DMTF1: variants seen among roughly 807,000 people sequenced by gnomAD.
DMTF1 encodes the protein cyclin-D-binding Myb-like transcription factor 1.
Under a neutral mutation model 91.1 loss-of-function variants are expected in DMTF1, and 39 were observed. That is an observed-to-expected ratio of 0.43 (90% CI 0.33 to 0.56). DMTF1 has a LOEUF of 0.56. Among genes scored for constraint, DMTF1 ranks in the 20% least tolerant of loss-of-function variants. The probability of loss-of-function intolerance (pLI) is 0.05; values close to 1 mark genes in which losing one functional copy is unlikely to be tolerated. For missense variants in DMTF1, 750 were observed against 914.5 expected (o/e 0.82, Z 2.32); for synonymous variants, 338 against 309.5 (o/e 1.09, Z -0.97).
At chr7:87,183,324 A>G (rs1797751727) in intron 10 of DMTF1, among the ~76,000 whole-genome samples, 1 of 152,236 alleles carries the variant, frequency 6.6e-6, no homozygotes, top group Non-Finnish European at 1.5e-5. Flanking sequence ...TCAGAGTTTC[A>G]TGTAAGATGC....
chr7:87,174,480 G>A, intron 6 of DMTF1, 113 bp from the exon 7 acceptor site: 1 of 690,922 alleles, frequency 1.4e-6, no homozygotes, highest in South Asian at 2.4e-5. Flanking sequence ...AATGAGAAAT[G>A]AAATTAGCTA....
intron 11 of DMTF1, among the ~76,000 whole-genome samples, chr7:87,185,480 G>A (rs1798205935): frequency 6.6e-6 from 1 of 152,126 alleles, no homozygotes; most frequent in South Asian, 2.1e-4. Context: ...AAATGACTTA[G>A]TAAATGCCAC....
intron 1 of DMTF1, among the ~76,000 whole-genome samples, chr7:87,156,734 GAC>G (rs954362158): frequency 6.6e-6 from 1 of 152,050 alleles, no homozygotes. Context: ...CTACTAAGCA[GAC>G]TTTCATTATT....
intron 16 of DMTF1, 84 bp downstream of exon 16, chr7:87,194,186 C>G: frequency 2.8e-6 from 4 of 1,449,320 alleles, no homozygotes; most frequent in Non-Finnish European, 3.7e-6. Flanking sequence ...TCTGAAGACT[C>G]ATGAAATTAA....
At chr7:87,158,887 C>T (rs1285209997) in intron 1 of DMTF1, among the ~76,000 whole-genome samples, 3 of 151,960 alleles carry the variant, frequency 2.0e-5, no homozygotes, top group Non-Finnish European at 4.4e-5. Flanking sequence ...AATACTGAAA[C>T]CTAAGTTTCT....
At chr7:87,163,883 A>C (rs1793123211) in intron 2 of DMTF1, among the ~76,000 whole-genome samples, 1 of 152,070 alleles carries the variant, frequency 6.6e-6, no homozygotes. Context: ...TATCTTGTGT[A>C]TAGGAGCCAG....
intron 11 of DMTF1, chr7:87,184,894 T>A: frequency 1.8e-6 from 1 of 559,968 alleles, no homozygotes; most frequent in Non-Finnish European, 3.4e-6. Context: ...ACAGAACAGG[T>A]ATGGCACAGG....
At chr7:87,194,950 CTG>C (rs1363077769) in intron 17 of DMTF1, 79 bp from the exon 18 acceptor site, 3 of 1,427,692 alleles carry the variant, frequency 2.1e-6, no homozygotes, top group Admixed American at 1.8e-5. Flanking sequence ...GAGTTCTACA[CTG>C]TGGTAGAATA....
intron 15 of DMTF1, 126 bp from the exon 16 acceptor site, chr7:87,193,599 G>T: frequency 9.9e-7 from 1 of 1,006,256 alleles, no homozygotes; most frequent in African/African-American, 1.6e-5. Flanking sequence ...AAGGACAAGG[G>T]TTCTAGAAAA....
In DMTF1 at chr7:87,196,104, G is replaced by A. The variant is rs556637468; in HGVS notation, c.*964G>A. On this transcript the variant is annotated 3_prime_UTR_variant, in exon 18 of 18. Transcript: ENST00000331242. ...CTACAGAAGGGTTAAGGCAAAGGTA[G>A]CCTTTTGGGCTTTTTAATGAATATG... 5.2e-5 allele frequency: 8 copies of A among 152,670 alleles called. No homozygotes were observed. The highest frequency in any genetic ancestry group is 1.7e-4 in the African/African-American group (7 of 41,496). The allele number at this position is 152,670 out of a possible 1,614,324, so 9.5% of individuals were successfully genotyped here.
intron 13 of DMTF1, among the ~76,000 whole-genome samples, chr7:87,189,065 G>A (rs1271314396): frequency 6.6e-6 from 1 of 152,106 alleles, no homozygotes; most frequent in Non-Finnish European, 1.5e-5. Context: ...CATTTTGAGC[G>A]ACAGGTTTTT....
At chr7:87,182,434 A>G (rs753953039) in intron 10 of DMTF1, 97 bp downstream of exon 10, 438 of 1,117,812 alleles carry the variant, frequency 3.9e-4, no homozygotes, top group Non-Finnish European at 5.7e-4. Flanking sequence ...AGCGATTTAG[A>G]TCATTCACCT....
chr7:87,173,676 C>A, intron 6 of DMTF1, 27 bp downstream of exon 6: 1 of 1,470,016 alleles, frequency 6.8e-7, no homozygotes, highest in South Asian at 1.2e-5. Context: ...AATTTTAGTG[C>A]CTAGTGAAAA....
At chr7:87,159,497 A>G (rs1791668468) in intron 1 of DMTF1, among the ~76,000 whole-genome samples, 1 of 152,206 alleles carries the variant, frequency 6.6e-6, no homozygotes, top group African/African-American at 2.4e-5. Flanking sequence ...TGCTACCCTC[A>G]GGTATTTTTT....
chr7:87,173,476 C>G (rs1795563158), intron 5 of DMTF1, 59 bp from the exon 6 acceptor site: 13 of 1,114,626 alleles, frequency 1.2e-5, no homozygotes, highest in Non-Finnish European at 1.6e-5. Flanking sequence ...AGCATTAAAT[C>G]AAGCTGCCAT....
intron 9 of DMTF1, among the ~76,000 whole-genome samples, chr7:87,181,727 G>A (rs1278601879): frequency 6.6e-6 from 1 of 152,198 alleles, no homozygotes; most frequent in Admixed American, 6.5e-5. Context: ...TATCTGGGCT[G>A]ACTCAACCTT....
At chr7:87,172,684 C>T (rs1296233351) in intron 5 of DMTF1, among the ~76,000 whole-genome samples, 2 of 152,218 alleles carry the variant, frequency 1.3e-5, no homozygotes, top group African/African-American at 2.4e-5. Context: ...TCACTAAATA[C>T]GTGACTCTTC....
intron 3 of DMTF1, among the ~76,000 whole-genome samples, chr7:87,165,758 A>T (rs1437890563): frequency 6.6e-6 from 1 of 152,146 alleles, no homozygotes. Context: ...TTCTCTGTGA[A>T]TTTCATTACT....
At chr7:87,177,302 G>A (rs899571833) in intron 7 of DMTF1, among the ~76,000 whole-genome samples, 1 of 151,912 alleles carries the variant, frequency 6.6e-6, no homozygotes, top group African/African-American at 2.4e-5. Context: ...GTTCTTTTTA[G>A]TTTTTTATTA....
Sources: allele counts gnomAD v4.1 joint callset (sites outside exome capture counted in the v4.1 genomes callset), GRCh38; gene constraint gnomAD v4.1.1; transcripts MANE v1.5; gene names NCBI Gene and HGNC (gene_info 2026-07-23, HGNC 2026-07-21).